Variants in TBXAS1 observed in about 807,000 individuals in gnomAD.
TBXAS1 encodes thromboxane A synthase 1, also known as thromboxane-A synthase.
In TBXAS1, 48 loss-of-function variants were observed where a neutral mutation model predicts 60.7. That is an observed-to-expected ratio of 0.79 (90% CI 0.63 to 1.01). The LOEUF is 1.01. Ranked by LOEUF, TBXAS1 falls within the 50% of genes least tolerant of loss-of-function variation. The pLI is 0.00. For missense variants in TBXAS1, 685 were observed against 686.3 expected (o/e 1.00, Z 0.02); for synonymous variants, 287 against 269.7 (o/e 1.06, Z -0.63).
intron 4 of TBXAS1, among the ~76,000 whole-genome samples, chr7:139,915,568 G>A (rs1203658980): frequency 6.6e-6 from 1 of 152,322 alleles, no homozygotes; most frequent in East Asian, 1.9e-4. Context: ...TCAGGCTTGA[G>A]TTACGTTGAG....
At chr7:139,808,152 C>T (rs552933654) in intron 4 of TBXAS1, among the ~76,000 whole-genome samples, 6 of 150,494 alleles carry the variant, frequency 4.0e-5, no homozygotes, top group African/African-American at 1.5e-4. Flanking sequence ...GGCAACATGG[C>T]AAAATCCCAT....
chr7:139,995,315 G>A (rs967351534), intron 9 of TBXAS1, among the ~76,000 whole-genome samples: 1 of 152,150 alleles, frequency 6.6e-6, no homozygotes, highest in African/African-American at 2.4e-5. Context: ...CTAGTGACCT[G>A]CTCTCTGACT....
chr7:139,924,436 C>T (rs1379985252), intron 4 of TBXAS1, among the ~76,000 whole-genome samples: 3 of 151,506 alleles, frequency 2.0e-5, no homozygotes, highest in Non-Finnish European at 4.4e-5. Context: ...TGCCTGTTTG[C>T]CATTTGTATG....
At chr7:139,848,564 A>C (rs1292124114) in intron 1 of TBXAS1, among the ~76,000 whole-genome samples, 1 of 152,186 alleles carries the variant, frequency 6.6e-6, no homozygotes, top group Non-Finnish European at 1.5e-5. Flanking sequence ...CCAGTCTGAC[A>C]GTGGGGTTTA....
intron 4 of TBXAS1, among the ~76,000 whole-genome samples, chr7:139,799,824 G>A (rs1356604608): frequency 1.3e-5 from 2 of 152,084 alleles, no homozygotes; most frequent in African/African-American, 4.8e-5. Flanking sequence ...CTTTCACTTG[G>A]CTTCTGACTC....
At chr7:139,804,245 T>A (rs1189539395) in intron 4 of TBXAS1, among the ~76,000 whole-genome samples, 1 of 152,202 alleles carries the variant, frequency 6.6e-6, no homozygotes, top group Non-Finnish European at 1.5e-5. Flanking sequence ...AACTTTAAGG[T>A]TTAATGATTG....
Position 140,007,143 on chromosome 7 carries a change from T to A in TBXAS1, c.1187T>A (p.Val396Glu), listed in dbSNP as rs1814141982. 6.2e-7 allele frequency: 1 copy of A among 1,613,966 alleles called. No homozygotes were observed. Among genetic ancestry groups the A allele is most frequent in the African/African-American group, 1.3e-5 (1 of 74,874 alleles). Residue 396 changes from valine (V) to glutamate (E), a missense_variant, in exon 10 of 13, where the codon GTG becomes GAG. Val to Glu is a moderately radical substitution (Grantham distance 121, BLOSUM62 -2). Coordinates refer to ENST00000448866, the MANE Select transcript of TBXAS1 (RefSeq NM_001061.7). ...LEEGLPYLDM[V>E]IAETLRMYPP... ...GAAGGCCTGCCCTATCTGGACATGG[T>A]GATTGCAGAGACGCTGAGGATGTAC...
chr7:139,935,549 C>T (rs142654637), intron 4 of TBXAS1, among the ~76,000 whole-genome samples: 145 of 152,092 alleles, frequency 9.5e-4, no homozygotes, highest in African/African-American at 3.3e-3. Flanking sequence ...GGTGGGGGGC[C>T]GAATTCATCC....
At chr7:140,000,254 C>T (rs1417470111) in intron 9 of TBXAS1, among the ~76,000 whole-genome samples, 1 of 152,080 alleles carries the variant, frequency 6.6e-6, no homozygotes, top group Non-Finnish European at 1.5e-5. Flanking sequence ...GATCCCAGTA[C>T]TTTAGGAGGC....
chr7:140,011,804 T>G (rs2116429154), intron 10 of TBXAS1, among the ~76,000 whole-genome samples: 1 of 151,928 alleles, frequency 6.6e-6, no homozygotes, highest in East Asian at 1.9e-4. Flanking sequence ...AACTGCACAC[T>G]GAAAAATGGT....
chr7:140,017,254 C>T (rs1005201559), intron 11 of TBXAS1, among the ~76,000 whole-genome samples: 5 of 152,184 alleles, frequency 3.3e-5, no homozygotes, highest in Non-Finnish European at 5.9e-5. Context: ...GCCCGGTACC[C>T]TGCCAAGGAA....
chr7:139,943,486 T>A (rs1808453317), intron 5 of TBXAS1, among the ~76,000 whole-genome samples: 1 of 152,252 alleles, frequency 6.6e-6, no homozygotes, highest in Non-Finnish European at 1.5e-5. Context: ...TGGGTTATAA[T>A]TTGGCTTTCC....
chr7:139,888,707 T>G (rs1335213413), intron 3 of TBXAS1, among the ~76,000 whole-genome samples: 1 of 152,040 alleles, frequency 6.6e-6, no homozygotes, highest in African/African-American at 2.4e-5. Flanking sequence ...CAGGCACATA[T>G]GCATGGGAGA....
At chr7:139,827,283 G>C (rs1001331851), upstream of TBXAS1, among the ~76,000 whole-genome samples, 1 of 152,094 alleles carries the variant, frequency 6.6e-6, no homozygotes, top group African/African-American at 2.4e-5. Context: ...AGCTACCCCT[G>C]CTGGCTTTTG....
chr7:139,825,136 A>AT (rs10712688), upstream of TBXAS1, among the ~76,000 whole-genome samples: 5 of 151,342 alleles, frequency 3.3e-5, no homozygotes, highest in Admixed American at 6.6e-5. Flanking sequence ...GCCTGAGTTG[A>AT]TTTTTTTTTA....
chr7:139,877,631 C>T (rs544648000), intron 3 of TBXAS1, among the ~76,000 whole-genome samples: 5 of 152,088 alleles, frequency 3.3e-5, no homozygotes, highest in Admixed American at 6.5e-5. Flanking sequence ...CCATGTTAGC[C>T]AGGCTAGTCT....
intron 9 of TBXAS1, among the ~76,000 whole-genome samples, chr7:139,982,746 C>T (rs541903931): frequency 1.2e-4 from 18 of 152,118 alleles, no homozygotes; most frequent in Non-Finnish European, 2.4e-4. Context: ...GATCACAGCC[C>T]ACATGTTGAA....
rs4529 is a variant in TBXAS1, at chr7:139,962,165, C to G, written c.1066C>G (p.Leu356Val). The G allele has an allele frequency of 6.0e-3, 9,765 of 1,614,150 alleles. 499 individuals are homozygous for G. The African/African-American group carries it at 0.12, about 19-fold the overall frequency. ...ITNTLSFATY[L>V]LATNPDCQEK... is the part of the protein sequence containing the mutation. ...CAACACACTTTCTTTTGCCACCTAC[C>G]TACTGGCCACCAACCCTGACTGCCA... Residue 356 changes from leucine (L) to valine (V), a missense_variant, in exon 9 of 13, where the codon CTA becomes GTA. Transcript: ENST00000448866.
intron 5 of TBXAS1, among the ~76,000 whole-genome samples, chr7:139,948,883 C>G (rs1340269510): frequency 6.6e-6 from 1 of 152,202 alleles, no homozygotes; most frequent in African/African-American, 2.4e-5. Context: ...AGGAAGAAAA[C>G]CTGAAATGAT....
Sources: gnomAD v4.1 joint callset for allele counts (sites outside exome capture counted in the v4.1 genomes callset) on GRCh38, gnomAD v4.1.1 for gene constraint, MANE v1.5 for transcripts, NCBI Gene and HGNC (gene_info 2026-07-23, HGNC 2026-07-21) for gene names.